Variants in WASHC2C observed in about 807,000 individuals in gnomAD.
WASHC2C encodes the protein WASH complex subunit 2C.
In WASHC2C, 73 loss-of-function variants were observed where a neutral mutation model predicts 142.2. The observed-to-expected ratio is 0.51, with a 90% CI of 0.43 to 0.62. The LOEUF is 0.62. WASHC2C is among the 20% of genes least tolerant of loss of function. WASHC2C has a pLI of 0.00. For missense variants in WASHC2C, 969 were observed against 1,531.7 expected (o/e 0.63, Z 6.13); for synonymous variants, 337 against 565.5 (o/e 0.60, Z 5.73).
At chr10:45,783,909 G>A (rs1342667387) in intron 23 of WASHC2C, among the ~76,000 whole-genome samples, 1 of 152,092 alleles carries the variant, frequency 6.6e-6, no homozygotes, top group Admixed American at 6.5e-5. Flanking sequence ...GGACTCACTC[G>A]GGGTCTGAAA....
chr10:45,766,525 A>G (rs1174549137), intron 19 of WASHC2C, among the ~76,000 whole-genome samples: 1 of 146,202 alleles, frequency 6.8e-6, no homozygotes, highest in Non-Finnish European at 1.5e-5. Flanking sequence ...CTCAAATGCC[A>G]AGGTGTCATA....
chr10:45,751,515 C>T lies in WASHC2C; in HGVS notation c.965C>T (p.Thr322Ile). 11 of 1,530,600 alleles carry T rather than the reference C, an allele frequency of 7.2e-6. No homozygotes were observed. The highest frequency in any genetic ancestry group is 8.9e-6 in the Non-Finnish European group (10 of 1,126,036). 94.8% of individuals were successfully genotyped at this position (1,530,600 alleles called of 1,614,324 possible). A position where few individuals can be genotyped will look rare whatever the true frequency, so the allele number is the denominator to read the frequency against. Residue 322 changes from threonine (T) to isoleucine (I), a missense_variant, in exon 11 of 31, where the codon ACA becomes ATA. Thr to Ile is a moderately conservative substitution (Grantham distance 89). Transcript: ENST00000623400. ...LPSGEAKPRK[T>I]LKEKKERRTP... ...TCAGGAGAAGCAAAACCTCGGAAGA[C>T]ACTCAAAGAGAAGAAGGAAAGGAGA...
In WASHC2C at chr10:45,746,916, C is replaced by T. The variant is rs1358557585; in HGVS notation, c.732+269C>T. ...AAAACAGAGCCTCTAAAAGAAGACT[C>T]AGTTACCCAAACTGAACTACTTTGC... On this transcript the variant is annotated intron_variant, in intron 8 of 30. Transcript: ENST00000623400. 5.9e-5 allele frequency among the ~76,000 whole-genome samples: 9 copies of T among 152,264 alleles called. No individual in the cohort carries two copies. In the East Asian group the frequency reaches 1.3e-3, roughly 23 times the overall value.
At chr10:45,734,137 A>C (rs2134111389) in intron 3 of WASHC2C, among the ~76,000 whole-genome samples, 1 of 152,268 alleles carries the variant, frequency 6.6e-6, no homozygotes. Context: ...AGGCAGGAGA[A>C]GGGCATGAAC....
At chr10:45,788,138 A>G (rs1462402976) in intron 28 of WASHC2C, among the ~76,000 whole-genome samples, 1 of 152,228 alleles carries the variant, frequency 6.6e-6, no homozygotes, top group South Asian at 2.1e-4. Flanking sequence ...TAAATTGGCA[A>G]CTAAAATTGT....
At chr10:45,786,934 G>A (rs1197072245) in intron 27 of WASHC2C, 101 bp from the exon 28 acceptor site, 13 of 1,611,344 alleles carry the variant, frequency 8.1e-6, no homozygotes, top group South Asian at 2.2e-5. Context: ...TACTCCTCTC[G>A]TATTATACAT....
rs2058329521 is a variant in WASHC2C at position 45,790,394 on chromosome 10, G to A, written c.3747G>A (p.Gln1249=). The A allele has an allele frequency of 6.2e-7, 1 of 1,610,926 alleles. No individual in the cohort carries two copies. Among genetic ancestry groups the A allele is most frequent in the Non-Finnish European group, 8.5e-7 (1 of 1,179,660 alleles). Residue 1249 remains glutamine, a synonymous_variant, in exon 30 of 31, where the codon CAG becomes CAA. Transcript: ENST00000623400. The part of the protein sequence containing the change: ...IFATEAIKPS[Q]KTREKEKTLE... ...CTACGGAAGCAATTAAACCCTCTCA[G>A]AAAACCAGAGAGAAGGAGAAAACAT...
In WASHC2C at chr10:45,777,427, T is replaced by G; in HGVS notation, c.2295+2T>G. On this transcript the variant is annotated splice_donor_variant, in intron 22 of 30. Transcript: ENST00000623400. LOFTEE classifies it high-confidence loss of function. ...ACTGATGTGGCTGAGTCAGAAAAGGTGGACTTTTTTTCTTGTATACTTGAA... is the reference window on the plus strand; with the variant it reads ...ACTGATGTGGCTGAGTCAGAAAAGGGGGACTTTTTTTCTTGTATACTTGAA... 6.2e-7 allele frequency: 1 copy of G among 1,610,054 alleles called. No homozygotes were observed. The highest frequency in any genetic ancestry group is 8.5e-7 in the Non-Finnish European group (1 of 1,178,234).
chr10:45,789,261 A>C lies in WASHC2C; in HGVS notation c.3478A>C (p.Asn1160His). 1 of 1,612,092 alleles carries C rather than the reference A, an allele frequency of 6.2e-7. No homozygotes were observed. The highest frequency in any genetic ancestry group is 8.5e-7 in the Non-Finnish European group (1 of 1,179,874). The change falls in exon 29 of 31, where the codon AAC (asparagine) becomes CAC (histidine). Residue 1160 changes from asparagine to histidine, a missense_variant. Transcript: ENST00000623400. Reference sequence around the variant, plus strand: ...GGCAAAGATAGCAGAGAATCCTGCCAACCCACCAGTGGGTGGTAAAGCAAA... The same window carrying C: ...GGCAAAGATAGCAGAGAATCCTGCCCACCCACCAGTGGGTGGTAAAGCAAA... ...PKAKIAENPANPPVGGKAKSP... is the reference protein window; with the variant it reads ...PKAKIAENPAHPPVGGKAKSP...
At chr10:45,747,091 G>A (rs2610436) in intron 8 of WASHC2C, among the ~76,000 whole-genome samples, 1 of 152,090 alleles carries the variant, frequency 6.6e-6, no homozygotes, top group Admixed American at 6.6e-5. Flanking sequence ...AGTGTGCATC[G>A]TTCATTTTCT....
intron 28 of WASHC2C, 93 bp from the exon 29 acceptor site, chr10:45,788,778 C>T (rs2058229926): frequency 6.3e-7 from 1 of 1,596,802 alleles, no homozygotes; most frequent in Non-Finnish European, 8.6e-7. Flanking sequence ...ACCAGATAAC[C>T]TTACAATATT....
chr10:45,746,659 A>T lies in WASHC2C; in HGVS notation c.732+12A>T, dbSNP rs369249518. On this transcript the variant is annotated intron_variant, in intron 8 of 30. Transcript: ENST00000623400. Reference sequence around the variant, plus strand: ...ATGAACAAAACCAGGTAAGGCTCATATATTGAAATGACTTTGTTTTTACAT... The same window carrying T: ...ATGAACAAAACCAGGTAAGGCTCATTTATTGAAATGACTTTGTTTTTACAT... 1 of 1,612,910 alleles carries T rather than the reference A, an allele frequency of 6.2e-7. No homozygotes were observed. Among genetic ancestry groups the T allele is most frequent in the Non-Finnish European group, 8.5e-7 (1 of 1,179,282 alleles).
chr10:45,790,501 T>C lies in WASHC2C; in HGVS notation c.3854T>C (p.Val1285Ala). The C allele has an allele frequency of 6.2e-7, 1 of 1,611,348 alleles. No individual in the cohort carries two copies. The highest frequency in any genetic ancestry group is 2.2e-5 in the East Asian group (1 of 44,868). The change falls in exon 30 of 31, where the codon GTG (valine) becomes GCG (alanine). Residue 1285 changes from valine to alanine, a missense_variant. Val to Ala is a moderately conservative substitution (Grantham distance 64, BLOSUM62 0). Coordinates refer to ENST00000623400, the MANE Select transcript of WASHC2C (RefSeq NM_001330074.2). ...VKPKEKSKKK[V>A]EAKSIFDDDM... Reference sequence around the variant, plus strand: ...CCAAAAGAAAAGTCCAAAAAGAAAGTGGAAGCCAAGTCTATATTTGATGAT... The same window carrying C: ...CCAAAAGAAAAGTCCAAAAAGAAAGCGGAAGCCAAGTCTATATTTGATGAT...
intron 30 of WASHC2C, among the ~76,000 whole-genome samples, chr10:45,791,777 T>C (rs1239209407): frequency 6.8e-6 from 1 of 146,102 alleles, no homozygotes; most frequent in Non-Finnish European, 1.5e-5. Context: ...TTTGAGTCAG[T>C]GAAACACTAA....
chr10:45,786,376 G>T lies in WASHC2C; in HGVS notation c.2812-236G>T, dbSNP rs189296748. 3,037 of 614,072 alleles carry T rather than the reference G, an allele frequency of 4.9e-3. 63 individuals are homozygous for T. Among genetic ancestry groups the T allele is most frequent in the East Asian group, 0.042 (1,474 of 35,046 alleles). 38.0% of individuals were successfully genotyped at this position (614,072 alleles called of 1,614,324 possible). On this transcript the variant is annotated intron_variant, in intron 26 of 30. Coordinates refer to ENST00000623400, the MANE Select transcript of WASHC2C (RefSeq NM_001330074.2). ...GACTCTTGGGAATCTTACTCATCTT[G>T]TATTCCTTGACTCCATATCTGATCT...
At chr10:45,784,253 T>C (rs1308432841) in intron 23 of WASHC2C, among the ~76,000 whole-genome samples, 1 of 4,896 alleles carries the variant, frequency 2.0e-4, no homozygotes, top group Admixed American at 3.2e-3. Flanking sequence ...TGTGTGTGTG[T>C]ATATATATAT....
At chr10:45,742,760 G>C (rs1456574991) in intron 5 of WASHC2C, among the ~76,000 whole-genome samples, 3 of 151,536 alleles carry the variant, frequency 2.0e-5, no homozygotes, top group African/African-American at 7.3e-5. Context: ...CCTTTTCCCT[G>C]TTTGCTTGCT....
At chr10:45,742,098 C>T (rs1272880347) in intron 5 of WASHC2C, among the ~76,000 whole-genome samples, 1 of 151,558 alleles carries the variant, frequency 6.6e-6, no homozygotes, top group Non-Finnish European at 1.5e-5. Context: ...AACCGACCAA[C>T]CCTAAATTTT....
chr10:45,778,747 GGA>G (rs1307315398), intron 22 of WASHC2C, among the ~76,000 whole-genome samples: 1 of 150,640 alleles, frequency 6.6e-6, no homozygotes, highest in African/African-American at 2.4e-5. Context: ...CTTTGGCTAC[GGA>G]TGATTGTACA....
Sources: allele counts gnomAD v4.1 joint callset (sites outside exome capture counted in the v4.1 genomes callset), GRCh38; gene constraint gnomAD v4.1.1; transcripts MANE v1.5; gene names NCBI Gene and HGNC (gene_info 2026-07-23, HGNC 2026-07-21).